The following MEAK7 variants were observed in gnomAD, a reference collection of about 807,000 sequenced individuals.
MEAK7 encodes MTOR-associated protein MEAK7.
MEAK7 carries 68 observed loss-of-function variants against 40.5 expected under a neutral mutation model. That is an observed-to-expected ratio of 1.68 (90% CI 1.38 to 2.06). The LOEUF (loss-of-function observed/expected upper bound fraction) is 2.06. Ranked by LOEUF, MEAK7 falls within the 30% of genes most tolerant of loss-of-function variation. The probability of loss-of-function intolerance (pLI) is 0.00; values close to 1 mark genes in which losing one functional copy is unlikely to be tolerated. For missense variants in MEAK7, 918 were observed against 580.5 expected (o/e 1.58, Z -5.98); for synonymous variants, 338 against 231.9 (o/e 1.46, Z -4.16).
intron 3 of MEAK7, among the ~76,000 whole-genome samples, chr16:84,493,134 T>C (rs1367363636): frequency 6.6e-6 from 1 of 152,224 alleles, no homozygotes; most frequent in Non-Finnish European, 1.5e-5. Context: ...GAGATTCCTG[T>C]GATTCTGATG....
chr16:84,504,266 A>G, intron 1 of MEAK7: 1 of 594,196 alleles, frequency 1.7e-6, no homozygotes, highest in South Asian at 7.5e-5. Context: ...TTCCGCGTCT[A>G]CACAGGCTCT....
At chr16:84,485,218 G>A (rs549424072) in intron 5 of MEAK7, among the ~76,000 whole-genome samples, 6 of 152,338 alleles carry the variant, frequency 3.9e-5, no homozygotes, top group South Asian at 4.1e-4. Context: ...CACCTGCAGG[G>A]CCGGCCCTGG....
intron 3 of MEAK7, among the ~76,000 whole-genome samples, chr16:84,491,189 C>G (rs1913567021): frequency 6.6e-6 from 1 of 152,214 alleles, no homozygotes; most frequent in South Asian, 2.1e-4. Context: ...CCTGTAATCC[C>G]TCCACTTTGG....
chr16:84,502,130 GT>G (rs1413143150), intron 1 of MEAK7, among the ~76,000 whole-genome samples: 9 of 150,510 alleles, frequency 6.0e-5, no homozygotes, highest in Non-Finnish European at 1.0e-4. Context: ...GGCAACAAGA[GT>G]GAAACTCGGT....
In MEAK7 at chr16:84,486,628, TACCTTGAAACTGAGGCTTC is replaced by T; in HGVS notation, c.942_958+2del. 6.3e-7 allele frequency: 1 copy of T among 1,598,380 alleles called. No homozygotes were observed. The highest frequency in any genetic ancestry group is 8.5e-7 in the Non-Finnish European group (1 of 1,172,492). Reference sequence around the variant, plus strand: ...CGTCAAGGTTCAGGACACCAAGTCTTACCTTGAAACTGAGGCTTCACCTCCCAAGAGCAAGAGGCAAACC... The same window carrying T: ...CGTCAAGGTTCAGGACACCAAGTCTTACCTCCCAAGAGCAAGAGGCAAACC... On this transcript the variant is annotated splice_donor_variant and coding_sequence_variant, in exon 5 of 8. Transcript: ENST00000343629. LOFTEE classifies it high-confidence loss of function.
intron 3 of MEAK7, chr16:84,494,902 C>G: frequency 2.3e-6 from 1 of 433,720 alleles, no homozygotes; most frequent in Non-Finnish European, 4.5e-6. Flanking sequence ...AAAAATTAAG[C>G]TAAAAGCTGA....
chr16:84,500,594 T>C (rs1914417195), intron 1 of MEAK7, among the ~76,000 whole-genome samples: 1 of 152,170 alleles, frequency 6.6e-6, no homozygotes, highest in African/African-American at 2.4e-5. Flanking sequence ...ACAGACAGGC[T>C]GGAAACGAGG....
chr16:84,483,096 C>T (rs1475308804), intron 5 of MEAK7, among the ~76,000 whole-genome samples: 2 of 152,190 alleles, frequency 1.3e-5, no homozygotes, highest in Non-Finnish European at 2.9e-5. Flanking sequence ...TCCAGCACAG[C>T]CTACCTGAGC....
At chr16:84,494,676 T>A in intron 3 of MEAK7, 1 of 363,604 alleles carries the variant, frequency 2.8e-6, no homozygotes. Flanking sequence ...TCCCCCACTA[T>A]TTTTTCTTCA....
At chr16:84,481,144 C>T (rs1912503230) in intron 6 of MEAK7, among the ~76,000 whole-genome samples, 2 of 152,246 alleles carry the variant, frequency 1.3e-5, no homozygotes. Flanking sequence ...GATCCTCACC[C>T]CAAGACAGGC....
At chr16:84,499,822 A>C (rs1447070509) in intron 1 of MEAK7, 2 of 152,210 alleles carry the variant, frequency 1.3e-5, no homozygotes, top group African/African-American at 4.8e-5. Flanking sequence ...GAATCACTCG[A>C]GCCCAGGAGT....
chr16:84,503,777 C>T (rs1358813241), intron 1 of MEAK7, among the ~76,000 whole-genome samples: 4 of 152,038 alleles, frequency 2.6e-5, no homozygotes, highest in South Asian at 2.1e-4. Flanking sequence ...GGACAGGGAC[C>T]GATTGTCTGC....
intron 3 of MEAK7, 112 bp from the exon 4 acceptor site, chr16:84,489,534 A>G: frequency 8.0e-7 from 1 of 1,251,480 alleles, no homozygotes; most frequent in Non-Finnish European, 1.1e-6. Context: ...ATGGGCCACA[A>G]TGTGGGGAAA....
intron 3 of MEAK7, among the ~76,000 whole-genome samples, chr16:84,493,549 A>G (rs1208676096): frequency 6.6e-6 from 1 of 152,224 alleles, no homozygotes; most frequent in Admixed American, 6.5e-5. Context: ...CAGAGTCAAG[A>G]AAACTTTCTC....
chr16:84,493,889 G>T (rs1025201544), intron 3 of MEAK7, among the ~76,000 whole-genome samples: 3 of 152,120 alleles, frequency 2.0e-5, no homozygotes, highest in Admixed American at 6.5e-5. Context: ...GTCCTGATCT[G>T]TAAGTAAAGG....
At position 84,479,981 on chromosome 16, in the gene MEAK7, C is replaced by T. The variant is rs140354527; in HGVS notation, c.1303G>A (p.Ala435Thr). 1.4e-4 allele frequency: 224 copies of T among 1,609,366 alleles called. No individual in the cohort carries two copies. The highest frequency in any genetic ancestry group is 9.1e-5 in the Non-Finnish European group (107 of 1,176,956). The change falls in exon 8 of 8, where the codon GCC becomes ACC. Residue 435 changes from alanine (A) to threonine (T), a missense_variant. Coordinates refer to ENST00000343629, the MANE Select transcript of MEAK7 (RefSeq NM_020947.4). ...GAATGCCCACTGATCTCCAGCAGGGCCTGGGCCTCAGGGTCCGCATCCAGG... is the reference window on the plus strand; with the variant it reads ...GAATGCCCACTGATCTCCAGCAGGGTCTGGGCCTCAGGGTCCGCATCCAGG... ...SILDADPEAQ[A>T]LLEISGHSRH... is the part of the protein sequence containing the mutation.
At chr16:84,504,475 G>A in intron 1 of MEAK7, 126 bp downstream of exon 1, 1 of 536,582 alleles carries the variant, frequency 1.9e-6, no homozygotes, top group Non-Finnish European at 2.4e-6. Flanking sequence ...AGGGCCTGAA[G>A]AGGCGTGGGA....
intron 3 of MEAK7, among the ~76,000 whole-genome samples, chr16:84,490,726 T>C (rs1478465244): frequency 6.8e-6 from 1 of 146,076 alleles, no homozygotes; most frequent in African/African-American, 2.5e-5. Flanking sequence ...TTTTTGTCTC[T>C]CCTAGGGTCT....
chr16:84,480,741 A>T, intron 6 of MEAK7, 33 bp from the exon 7 acceptor site: 1 of 1,582,708 alleles, frequency 6.3e-7, no homozygotes. Context: ...GAATAGCATC[A>T]GCAACTCCTC....
Sources: gnomAD v4.1 joint callset for allele counts (sites outside exome capture counted in the v4.1 genomes callset) on GRCh38, gnomAD v4.1.1 for gene constraint, MANE v1.5 for transcripts, NCBI Gene and HGNC (gene_info 2026-07-23, HGNC 2026-07-21) for gene names.